Variants in PAK3 observed in about 807,000 individuals in gnomAD.
PAK3 encodes the protein p21 (RAC1) activated kinase 3.
PAK3 carries 4 observed loss-of-function variants against 41.0 expected under a neutral mutation model. The observed-to-expected ratio is 0.10, with a 90% CI of 0.05 to 0.22. The LOEUF (loss-of-function observed/expected upper bound fraction) is 0.22, where lower values mean the gene tolerates loss of function less well. Ranked by LOEUF, PAK3 falls within the 10% of genes least tolerant of loss-of-function variation. PAK3 has a pLI of 1.00. For missense variants in PAK3, 205 were observed against 409.9 expected, an observed-to-expected ratio of 0.50 and a Z score of 4.32; for synonymous variants, 146 against 139.6, an observed-to-expected ratio of 1.05 and a Z score of -0.32.
At chrX:110,974,798 G>A (rs1262525356) in intron 1 of PAK3, among the ~76,000 whole-genome samples, 2 of 111,776 alleles carry the variant, frequency 1.8e-5, no homozygotes, top group African/African-American at 6.5e-5. Flanking sequence ...AAGCAAGGCT[G>A]GTTCAACATA....
At chrX:111,138,015 G>C (rs1366469246) in intron 5 of PAK3, among the ~76,000 whole-genome samples, 1 of 108,730 alleles carries the variant, frequency 9.2e-6, no homozygotes, top group East Asian at 2.9e-4. Flanking sequence ...CTAGTTTATT[G>C]CTAAACACTT....
intron 16 of PAK3, among the ~76,000 whole-genome samples, chrX:111,202,942 A>T (rs1433013790): frequency 8.9e-6 from 1 of 111,963 alleles, no homozygotes; most frequent in Non-Finnish European, 1.9e-5. Flanking sequence ...TCGCTGGAAG[A>T]CAGTTATTGG....
intron 8 of PAK3, chrX:111,152,891 T>C (rs2094050576): frequency 8.5e-6 from 1 of 118,265 alleles, no homozygotes; most frequent in Non-Finnish European, 1.8e-5. Context: ...ATATCAATAA[T>C]TTGTGTTCCT....
At chrX:111,209,731 C>G (rs889818247) in intron 16 of PAK3, among the ~76,000 whole-genome samples, 4 of 112,294 alleles carry the variant, frequency 3.6e-5, no homozygotes, top group South Asian at 7.3e-4. Flanking sequence ...AATTTCTTAA[C>G]TTAAACTTTA....
At chrX:111,010,162 A>G (rs1284595385) in intron 1 of PAK3, among the ~76,000 whole-genome samples, 1 of 111,879 alleles carries the variant, frequency 8.9e-6, no homozygotes, top group African/African-American at 3.2e-5. Context: ...CCTCGCTCAG[A>G]TTTATGAGTA....
intron 14 of PAK3, 23 bp from the exon 15 acceptor site, chrX:111,195,819 A>G (rs2094608664): frequency 1.0e-6 from 1 of 971,922 alleles, no homozygotes; most frequent in Non-Finnish European, 1.5e-6. Flanking sequence ...ATATAATTAG[A>G]ACTTTTTTTT....
chrX:111,015,236 A>G (rs2092070483), intron 1 of PAK3, among the ~76,000 whole-genome samples: 1 of 110,060 alleles, frequency 9.1e-6, no homozygotes. Flanking sequence ...CATTTATCAT[A>G]ATGTCCTCCA....
intron 16 of PAK3, among the ~76,000 whole-genome samples, chrX:111,204,878 G>GT (rs1163687252): frequency 0.1 from 3,876 of 37,612 alleles, 266 homozygotes; most frequent in African/African-American, 0.14. Context: ...CCTTTGCTTT[G>GT]TTTTTTTTTT....
At chrX:111,009,194 ACC>A (rs746262047) in intron 1 of PAK3, among the ~76,000 whole-genome samples, 2 of 110,571 alleles carry the variant, frequency 1.8e-5, no homozygotes. Flanking sequence ...GCCTTCTGTA[ACC>A]CTTCTTGTCA....
intron 10 of PAK3, among the ~76,000 whole-genome samples, chrX:111,169,602 A>G (rs1367389232): frequency 9.0e-6 from 1 of 111,536 alleles, no homozygotes; most frequent in African/African-American, 3.3e-5. Context: ...CATCTAAGCT[A>G]AGTTTGGAAG....
chrX:111,087,121 G>C (rs2092891972), intron 1 of PAK3, among the ~76,000 whole-genome samples: 1 of 76,578 alleles, frequency 1.3e-5, no homozygotes, highest in South Asian at 9.1e-4. Context: ...TTAGCAGCTG[G>C]AATGAACAAG....
intron 16 of PAK3, among the ~76,000 whole-genome samples, chrX:111,197,262 T>C (rs1049656973): frequency 2.7e-5 from 3 of 112,487 alleles, no homozygotes; most frequent in South Asian, 3.7e-4. Context: ...GATTTCATTC[T>C]TTTTTATGTC....
intron 3 of PAK3, among the ~76,000 whole-genome samples, chrX:111,099,170 C>T (rs1418994984): frequency 1.8e-5 from 2 of 112,648 alleles, no homozygotes; most frequent in African/African-American, 6.5e-5. Context: ...ATTTCCATTT[C>T]CTCCCAGATA....
intron 1 of PAK3, among the ~76,000 whole-genome samples, chrX:111,033,431 G>T (rs2092361195): frequency 8.9e-6 from 1 of 112,251 alleles, no homozygotes; most frequent in African/African-American, 3.2e-5. Context: ...AGATCTGAAA[G>T]ATCCCACATT....
At chrX:110,961,916 T>G (rs1467949738) in intron 1 of PAK3, among the ~76,000 whole-genome samples, 1 of 112,537 alleles carries the variant, frequency 8.9e-6, no homozygotes, top group Admixed American at 9.4e-5. Context: ...TGAAAATCTG[T>G]TCTTTCATGG....
chrX:111,088,291 G>C (rs2092904755), intron 1 of PAK3, among the ~76,000 whole-genome samples: 1 of 111,700 alleles, frequency 9.0e-6, no homozygotes. Flanking sequence ...AGGAAACTGA[G>C]GTTCAGAGGG....
chrX:111,130,867 T>C (rs1441703106), intron 5 of PAK3, among the ~76,000 whole-genome samples: 1 of 111,577 alleles, frequency 9.0e-6, no homozygotes, highest in Non-Finnish European at 1.9e-5. Flanking sequence ...AAACTTCCTA[T>C]GATGGAGGTA....
At chrX:110,994,253 ATGCCAAAGGGC>A (rs1263781294) in intron 1 of PAK3, among the ~76,000 whole-genome samples, 1 of 112,124 alleles carries the variant, frequency 8.9e-6, no homozygotes, top group Admixed American at 9.5e-5. Flanking sequence ...AATGTCCTAA[ATGCCAAAGGGC>A]TGCTTCCGCC....
chrX:110,962,834 A>C (rs886988976), intron 1 of PAK3, among the ~76,000 whole-genome samples: 4 of 112,894 alleles, frequency 3.5e-5, no homozygotes, highest in African/African-American at 6.4e-5. Flanking sequence ...CTTAGTATTT[A>C]TCAGGAACAG....
Sources: allele counts gnomAD v4.1 joint callset (sites outside exome capture counted in the v4.1 genomes callset), GRCh38; gene constraint gnomAD v4.1.1; transcripts MANE v1.5; gene names NCBI Gene and HGNC (gene_info 2026-07-23, HGNC 2026-07-21).